The following SPIDR variants were observed in gnomAD, a reference collection of about 807,000 sequenced individuals.
SPIDR encodes the protein DNA repair-scaffolding protein.
SPIDR carries 93 observed loss-of-function variants against 104.6 expected under a neutral mutation model. The observed-to-expected ratio is 0.89, with a 90% CI of 0.75 to 1.06. SPIDR has a LOEUF of 1.06. Ranked by LOEUF, SPIDR falls within the 50% of genes least tolerant of loss-of-function variation. SPIDR has a pLI of 0.00. For missense variants in SPIDR, 1,154 were observed against 1,111.2 expected (o/e 1.04, Z -0.55); for synonymous variants, 431 against 416.9 (o/e 1.03, Z -0.41).
At chr8:47,604,731 G>A (rs182831232) in intron 10 of SPIDR, among the ~76,000 whole-genome samples, 1 of 152,292 alleles carries the variant, frequency 6.6e-6, no homozygotes, top group East Asian at 1.9e-4. Context: ...GCTGAGATGA[G>A]AAAAACTATA....
intron 14 of SPIDR, among the ~76,000 whole-genome samples, chr8:47,702,993 G>A (rs902508980): frequency 5.3e-5 from 8 of 152,212 alleles, no homozygotes; most frequent in Non-Finnish European, 1.2e-4. Context: ...CCACGAGTCG[G>A]GGGACAGTGG....
intron 8 of SPIDR, among the ~76,000 whole-genome samples, chr8:47,498,581 C>T (rs2079829848): frequency 6.6e-6 from 1 of 151,974 alleles, no homozygotes; most frequent in Non-Finnish European, 1.5e-5. Flanking sequence ...AAAATAGGAC[C>T]AGGATGAAGT....
chr8:47,416,676 T>A (rs2064357584), intron 7 of SPIDR, among the ~76,000 whole-genome samples: 1 of 152,060 alleles, frequency 6.6e-6, no homozygotes, highest in Admixed American at 6.6e-5. Flanking sequence ...AACATGCAGG[T>A]TTCTTACATA....
chr8:47,595,410 A>G (rs569685331), intron 8 of SPIDR, among the ~76,000 whole-genome samples: 5 of 152,310 alleles, frequency 3.3e-5, no homozygotes, highest in African/African-American at 1.2e-4. Flanking sequence ...TTGGCATTTA[A>G]TGGTATGTTC....
chr8:47,676,029 C>T (rs1426770506), intron 11 of SPIDR, among the ~76,000 whole-genome samples: 2 of 152,310 alleles, frequency 1.3e-5, no homozygotes, highest in South Asian at 2.1e-4. Flanking sequence ...GACTGCAGGA[C>T]GTAGCATCTT....
At chr8:47,513,911 A>G (rs2082733906) in intron 8 of SPIDR, among the ~76,000 whole-genome samples, 1 of 152,006 alleles carries the variant, frequency 6.6e-6, no homozygotes. Flanking sequence ...TGCTATAGTC[A>G]CCCTACTGTT....
At chr8:47,326,666 A>G (rs1003541538) in intron 5 of SPIDR, among the ~76,000 whole-genome samples, 1 of 152,168 alleles carries the variant, frequency 6.6e-6, no homozygotes, top group Non-Finnish European at 1.5e-5. Flanking sequence ...CTGTCTCTGT[A>G]GTTTTACCTG....
chr8:47,701,673 A>C (rs1383859616), intron 12 of SPIDR, 48 bp from the exon 13 acceptor site: 5 of 1,564,424 alleles, frequency 3.2e-6, no homozygotes, highest in Non-Finnish European at 4.3e-6. Context: ...CCTCTTTTTG[A>C]GTCTTTTAAC....
intron 8 of SPIDR, among the ~76,000 whole-genome samples, chr8:47,499,635 G>T (rs912268233): frequency 6.6e-6 from 1 of 151,270 alleles, no homozygotes; most frequent in Non-Finnish European, 1.5e-5. Flanking sequence ...CAGGAACACA[G>T]CCATAATTTT....
At chr8:47,439,998 A>C (rs1262445866) in intron 7 of SPIDR, among the ~76,000 whole-genome samples, 1 of 152,250 alleles carries the variant, frequency 6.6e-6, no homozygotes, top group African/African-American at 2.4e-5. Context: ...AAAGGATTTC[A>C]GACTTGGAGT....
chr8:47,277,397 G>T (rs2036729119), intron 1 of SPIDR, among the ~76,000 whole-genome samples: 1 of 151,778 alleles, frequency 6.6e-6, no homozygotes, highest in African/African-American at 2.4e-5. Flanking sequence ...ACAGAGTCTT[G>T]CTGTGTTGCC....
intron 5 of SPIDR, among the ~76,000 whole-genome samples, chr8:47,349,287 A>G (rs527777372): frequency 6.6e-6 from 1 of 152,320 alleles, no homozygotes; most frequent in South Asian, 2.1e-4. Flanking sequence ...AGGCTGCAGA[A>G]CAGCAAATAT....
chr8:47,660,377 T>C (rs764591168), intron 10 of SPIDR: 16 of 813,180 alleles, frequency 2.0e-5, no homozygotes, highest in Non-Finnish European at 2.4e-5. Flanking sequence ...TTTATGTTGC[T>C]GGGAATGCAC....
At chr8:47,520,045 G>A (rs571699256) in intron 8 of SPIDR, among the ~76,000 whole-genome samples, 11 of 152,268 alleles carry the variant, frequency 7.2e-5, no homozygotes, top group African/African-American at 2.4e-4. Context: ...GAGGAAAGGG[G>A]TTAGCTACCA....
Position 47,280,706 on chromosome 8 carries a change from T to A in SPIDR, c.189+689T>A, listed in dbSNP as rs1039916443. ...TGTGCCCGGCTGCCTGGCTAATTTT[T>A]AAAAATCTTTCTGTAGAGACAGGGT... On this transcript the variant is annotated intron_variant, in intron 2 of 19. Coordinates refer to ENST00000297423, the MANE Select transcript of SPIDR (RefSeq NM_001080394.4). Among the ~76,000 whole-genome samples, 674 of 152,174 alleles carry A rather than the reference T, an allele frequency of 4.4e-3. 5 individuals are homozygous for A. The highest frequency in any genetic ancestry group is 0.015 in the African/African-American group (606 of 41,516).
intron 10 of SPIDR, among the ~76,000 whole-genome samples, chr8:47,673,244 A>G (rs1278979729): frequency 6.6e-6 from 1 of 152,264 alleles, no homozygotes; most frequent in African/African-American, 2.4e-5. Flanking sequence ...CTGGCTGTCC[A>G]TCATGGCTGT....
At chr8:47,566,810 G>A (rs1002756990) in intron 8 of SPIDR, among the ~76,000 whole-genome samples, 1 of 151,818 alleles carries the variant, frequency 6.6e-6, no homozygotes, top group African/African-American at 2.4e-5. Flanking sequence ...CCTCTTGTGG[G>A]GATTGAATGG....
intron 5 of SPIDR, among the ~76,000 whole-genome samples, chr8:47,385,470 GGACA>G (rs1422824219): frequency 6.6e-6 from 1 of 152,164 alleles, no homozygotes; most frequent in Non-Finnish European, 1.5e-5. Context: ...ATATGAGTCT[GGACA>G]GTTGAATGAA....
At chr8:47,386,904 GATATAGATATAGATATAGATAT>G (rs1190791322) in intron 5 of SPIDR, among the ~76,000 whole-genome samples, 3,732 of 126,914 alleles carry the variant, frequency 0.029, 149 homozygotes, top group African/African-American at 0.086. Context: ...GAGAGAGAGA[GATATAGATATAGATATAGATAT>G]AGATATAGAT....
Sources: allele counts gnomAD v4.1 joint callset (sites outside exome capture counted in the v4.1 genomes callset), GRCh38; gene constraint gnomAD v4.1.1; transcripts MANE v1.5; gene names NCBI Gene and HGNC (gene_info 2026-07-23, HGNC 2026-07-21).